PLXNA4: variants seen among roughly 807,000 people sequenced by gnomAD.
PLXNA4 encodes the protein plexin A4.
A neutral mutation model predicts 191.8 loss-of-function variants in PLXNA4; 44 were observed. The observed-to-expected ratio is 0.23, with a 90% CI of 0.18 to 0.29. The LOEUF is 0.29. PLXNA4 is among the 10% of genes least tolerant of loss of function. The probability of loss-of-function intolerance (pLI) is 1.00; values close to 1 mark genes in which losing one functional copy is unlikely to be tolerated. For synonymous variants in PLXNA4, 1,082 were observed against 1,009.5 expected (o/e 1.07, Z -1.36); for missense variants, 1,800 against 2,488.8 (o/e 0.72, Z 5.89).
At chr7:132,462,248 G>T (rs144143112) in intron 3 of PLXNA4, among the ~76,000 whole-genome samples, 1 of 152,142 alleles carries the variant, frequency 6.6e-6, no homozygotes, top group East Asian at 1.9e-4. Context: ...CCACTATTAG[G>T]TTAAAATAGG....
chr7:132,310,877 A>G (rs895786890), intron 3 of PLXNA4, among the ~76,000 whole-genome samples: 5 of 152,122 alleles, frequency 3.3e-5, no homozygotes, highest in Non-Finnish European at 7.4e-5. Flanking sequence ...AGAACAGCCC[A>G]TGTTCACCTA....
At chr7:132,430,015 G>A (rs1795199760) in intron 3 of PLXNA4, among the ~76,000 whole-genome samples, 1 of 152,176 alleles carries the variant, frequency 6.6e-6, no homozygotes, top group Admixed American at 6.5e-5. Context: ...AAGAGGAATT[G>A]CGTCTCAATC....
chr7:132,412,627 G>A (rs1794505587), intron 3 of PLXNA4, among the ~76,000 whole-genome samples: 1 of 152,208 alleles, frequency 6.6e-6, no homozygotes, highest in Admixed American at 6.5e-5. Context: ...CAGTGATAAG[G>A]ATCAGGTGAC....
intron 1 of PLXNA4, among the ~76,000 whole-genome samples, chr7:132,509,158 G>A (rs1386347265): frequency 1.5e-5 from 2 of 129,362 alleles, no homozygotes; most frequent in Admixed American, 8.5e-5. Context: ...GGCTGGAGGA[G>A]AAGAGGGAGG....
intron 2 of PLXNA4, among the ~76,000 whole-genome samples, chr7:132,502,786 T>C (rs1798308045): frequency 6.6e-6 from 1 of 152,158 alleles, no homozygotes; most frequent in African/African-American, 2.4e-5. Flanking sequence ...TCCTACAGTA[T>C]TGTTGGGAGA....
intron 31 of PLXNA4, among the ~76,000 whole-genome samples, chr7:132,131,386 C>T (rs562086693): frequency 2.2e-4 from 34 of 152,192 alleles, no homozygotes; most frequent in Admixed American, 5.2e-4. Context: ...TAATCCACCT[C>T]CAGGGGAGAG....
At chr7:132,427,504 G>T (rs1795091070) in intron 3 of PLXNA4, among the ~76,000 whole-genome samples, 2 of 152,288 alleles carry the variant, frequency 1.3e-5, no homozygotes, top group East Asian at 3.9e-4. Flanking sequence ...TAAACTCATG[G>T]GTGACAATTG....
intron 2 of PLXNA4, among the ~76,000 whole-genome samples, chr7:132,600,192 T>C (rs1450325440): frequency 6.6e-6 from 1 of 152,220 alleles, no homozygotes; most frequent in Non-Finnish European, 1.5e-5. Flanking sequence ...TCAACTTTTA[T>C]TCCTTCTCTT....
intron 1 of PLXNA4, among the ~76,000 whole-genome samples, chr7:132,561,999 G>GCCT (rs1411376158): frequency 2.0e-5 from 1 of 50,918 alleles, no homozygotes; most frequent in Non-Finnish European, 3.7e-5. Flanking sequence ...TTCTTTCTCT[G>GCCT]CCTCCTCCTC....
At chr7:132,209,457 G>C (rs1160296830) in intron 10 of PLXNA4, among the ~76,000 whole-genome samples, 1 of 152,136 alleles carries the variant, frequency 6.6e-6, no homozygotes, top group East Asian at 1.9e-4. Context: ...AGAATTTATG[G>C]GGAAACAGGA....
At chr7:132,516,196 T>G (rs1258755426) in intron 1 of PLXNA4, among the ~76,000 whole-genome samples, 1 of 152,022 alleles carries the variant, frequency 6.6e-6, no homozygotes, top group Admixed American at 6.6e-5. Flanking sequence ...GGTTTATAAA[T>G]ACTTAAAATA....
chr7:132,428,647 C>T (rs144958710), intron 3 of PLXNA4, among the ~76,000 whole-genome samples: 12 of 152,222 alleles, frequency 7.9e-5, no homozygotes, highest in East Asian at 1.9e-4. Flanking sequence ...GCCTGGCTCC[C>T]GGTGGTCCCC....
chr7:132,280,290 A>G (rs1800431961), intron 4 of PLXNA4, among the ~76,000 whole-genome samples: 1 of 152,242 alleles, frequency 6.6e-6, no homozygotes, highest in Admixed American at 6.5e-5. Flanking sequence ...GATAAAAATA[A>G]GGAAGAAGGT....
intron 1 of PLXNA4, among the ~76,000 whole-genome samples, chr7:132,527,618 A>G (rs1178367307): frequency 6.6e-6 from 1 of 152,082 alleles, no homozygotes; most frequent in South Asian, 2.1e-4. Flanking sequence ...ATTCAGTCCA[A>G]AGTGAAAAAT....
intron 1 of PLXNA4, among the ~76,000 whole-genome samples, chr7:132,536,908 C>G (rs1292414466): frequency 6.6e-6 from 1 of 152,262 alleles, no homozygotes; most frequent in African/African-American, 2.4e-5. Context: ...GCACGAACTG[C>G]TGAGTCCCCA....
chr7:132,531,665 G>A (rs1440900521), intron 1 of PLXNA4, among the ~76,000 whole-genome samples: 1 of 152,126 alleles, frequency 6.6e-6, no homozygotes, highest in Non-Finnish European at 1.5e-5. Context: ...AGCCAAAATC[G>A]AGTTCAGTTA....
intron 13 of PLXNA4, among the ~76,000 whole-genome samples, chr7:132,195,158 C>A (rs1281598838): frequency 1.3e-5 from 2 of 151,472 alleles, no homozygotes; most frequent in Non-Finnish European, 2.9e-5. Context: ...TATAAACATG[C>A]ATACGTAAGG....
chr7:132,343,784 G>C (rs1024195666), intron 3 of PLXNA4, among the ~76,000 whole-genome samples: 1 of 152,130 alleles, frequency 6.6e-6, no homozygotes, highest in African/African-American at 2.4e-5. Flanking sequence ...GGGCATGGTG[G>C]TGCACACCTA....
chr7:132,145,401 C>A, intron 28 of PLXNA4, 113 bp from the exon 29 acceptor site: 1 of 1,461,932 alleles, frequency 6.8e-7, no homozygotes, highest in Non-Finnish European at 9.2e-7. Flanking sequence ...GCCCACCCTA[C>A]TTGGGTAAAA....
Sources: allele counts gnomAD v4.1 joint callset (sites outside exome capture counted in the v4.1 genomes callset), GRCh38; gene constraint gnomAD v4.1.1; transcripts MANE v1.5; gene names NCBI Gene and HGNC (gene_info 2026-07-23, HGNC 2026-07-21).